The following SUMF1 variants were observed in gnomAD, a reference collection of about 807,000 sequenced individuals.
The protein encoded by SUMF1 is sulfatase modifying factor 1.
In SUMF1, 48 loss-of-function variants were observed where a neutral mutation model predicts 47.6. That is an observed-to-expected ratio of 1.01 (90% CI 0.80 to 1.28). The LOEUF (loss-of-function observed/expected upper bound fraction) is 1.28, where lower values mean the gene tolerates loss of function less well. Among genes scored for constraint, SUMF1 ranks in the 50% most tolerant of loss-of-function variants. The pLI, the probability that SUMF1 is intolerant of heterozygous loss-of-function variation, is 0.00. For synonymous variants in SUMF1, 230 were observed against 192.1 expected, an observed-to-expected ratio of 1.20 and a Z score of -1.63; for missense variants, 571 against 485.4, an observed-to-expected ratio of 1.18 and a Z score of -1.66.
intron 8 of SUMF1, among the ~76,000 whole-genome samples, chr3:4,155,583 G>A (rs1350043888): frequency 1.3e-5 from 2 of 151,350 alleles, no homozygotes; most frequent in Non-Finnish European, 2.9e-5. Context: ...TTTAGTGGTG[G>A]CAGCAGCAAT....
At chr3:4,342,216 G>T (rs553779841) in intron 8 of SUMF1, among the ~76,000 whole-genome samples, 2 of 152,288 alleles carry the variant, frequency 1.3e-5, no homozygotes, top group South Asian at 4.1e-4. Context: ...TCATGGTAAA[G>T]CTTTCTGTTA....
intron 9 of SUMF1, among the ~76,000 whole-genome samples, chr3:4,067,231 G>GT: frequency 6.6e-6 from 1 of 152,244 alleles, no homozygotes; most frequent in South Asian, 2.1e-4. Flanking sequence ...GTTATTTGGT[G>GT]TATCAGTAAG....
chr3:4,060,005 C>A (rs1436363275), intron 9 of SUMF1, among the ~76,000 whole-genome samples: 1 of 152,060 alleles, frequency 6.6e-6, no homozygotes, highest in Non-Finnish European at 1.5e-5. Context: ...TACGGATGAG[C>A]TGAGATGGGA....
At chr3:4,289,570 A>G (rs762933765) in intron 8 of SUMF1, among the ~76,000 whole-genome samples, 2 of 152,206 alleles carry the variant, frequency 1.3e-5, no homozygotes, top group African/African-American at 4.8e-5. Flanking sequence ...TATCTTAATT[A>G]TATCAATTCT....
At chr3:4,383,071 T>A (rs1700559584) in intron 7 of SUMF1, among the ~76,000 whole-genome samples, 2 of 28,612 alleles carry the variant, frequency 7.0e-5, no homozygotes, top group Non-Finnish European at 2.5e-4. Context: ...AAAAGTATAA[T>A]AAAAAGAAAA....
intron 8 of SUMF1, among the ~76,000 whole-genome samples, chr3:4,323,876 C>G (rs711673): frequency 2.6e-5 from 4 of 152,062 alleles, no homozygotes; most frequent in Admixed American, 2.6e-4. Context: ...ATTAATTAAC[C>G]TGACAGCTCT....
chr3:4,181,337 T>A (rs1574957476), intron 8 of SUMF1, among the ~76,000 whole-genome samples: 1 of 152,302 alleles, frequency 6.6e-6, no homozygotes, highest in East Asian at 1.9e-4. Context: ...TCAGTGATTA[T>A]GGTTCGAAGC....
At chr3:4,229,638 A>G (rs899487040) in intron 8 of SUMF1, among the ~76,000 whole-genome samples, 4 of 152,180 alleles carry the variant, frequency 2.6e-5, no homozygotes, top group African/African-American at 9.7e-5. Flanking sequence ...CATATCATCA[A>G]GTATGATCTG....
At chr3:4,099,199 C>A (rs1380318364) in intron 8 of SUMF1, among the ~76,000 whole-genome samples, 1 of 152,034 alleles carries the variant, frequency 6.6e-6, no homozygotes, top group Non-Finnish European at 1.5e-5. Flanking sequence ...AACCACCAAC[C>A]TCCCTTGCTA....
At chr3:4,232,949 G>T (rs1263860943) in intron 8 of SUMF1, among the ~76,000 whole-genome samples, 1 of 152,082 alleles carries the variant, frequency 6.6e-6, no homozygotes, top group East Asian at 1.9e-4. Context: ...GATAAAAAAT[G>T]CAGGTGAATC....
At chr3:4,142,500 GA>G (rs1327240442) in intron 8 of SUMF1, among the ~76,000 whole-genome samples, 4 of 152,092 alleles carry the variant, frequency 2.6e-5, no homozygotes, top group Non-Finnish European at 5.9e-5. Context: ...TTTGATGAAT[GA>G]ATAAACAATA....
intron 8 of SUMF1, among the ~76,000 whole-genome samples, chr3:4,246,913 T>G (rs1696684474): frequency 6.6e-6 from 1 of 152,210 alleles, no homozygotes; most frequent in South Asian, 2.1e-4. Flanking sequence ...TATATTTCCT[T>G]AACACATAAT....
chr3:4,466,494 G>A (rs1575264996), intron 1 of SUMF1, among the ~76,000 whole-genome samples: 1 of 152,132 alleles, frequency 6.6e-6, no homozygotes, highest in Admixed American at 6.5e-5. Context: ...AACAACTACA[G>A]TTTGCTTAGC....
intron 8 of SUMF1, among the ~76,000 whole-genome samples, chr3:4,211,103 C>CATATATATATACATAT (rs1695773059): frequency 1.1e-5 from 1 of 91,398 alleles, no homozygotes; most frequent in Admixed American, 1.1e-4. Context: ...AATAAACTCC[C>CATATATATATACATAT]ATATATATAT....
At chr3:4,046,059 G>GA (rs1419346105) in intron 9 of SUMF1, among the ~76,000 whole-genome samples, 10 of 149,966 alleles carry the variant, frequency 6.7e-5, no homozygotes, top group African/African-American at 9.8e-5. Context: ...TCTTAAAAAA[G>GA]AAAAAAAAAG....
In SUMF1 at chr3:4,116,035, T is replaced by A. The variant is rs148417492; in HGVS notation, c.1015-47290A>T. The stretch of plus-strand genomic sequence containing the variant: ...CATGACCCCGTAATTTGCAGAGCTT[T>A]ACACTTTTCAACATGTCTCCAAACC... On this transcript the variant is annotated intron_variant and NMD_transcript_variant, in intron 8 of 12. Coordinates refer to the SUMF1 transcript ENST00000448413. 3.5e-3 allele frequency among the ~76,000 whole-genome samples: 533 copies of A among 152,276 alleles called. 4 individuals carry two copies. Among genetic ancestry groups the A allele is most frequent in the Non-Finnish European group, 5.0e-3 (343 of 68,030 alleles).
chr3:4,226,264 C>CTTTTTTTTTTTTTTTT (rs869300368), intron 8 of SUMF1, among the ~76,000 whole-genome samples: 107 of 86,970 alleles, frequency 1.2e-3, no homozygotes, highest in Non-Finnish European at 1.8e-3. Flanking sequence ...TTTTTTGTTT[C>CTTTTTTTTTTTTTTTT]TTTTTTTTTT....
At chr3:4,323,538 A>G (rs1332895374) in intron 8 of SUMF1, among the ~76,000 whole-genome samples, 2 of 152,162 alleles carry the variant, frequency 1.3e-5, no homozygotes, top group Admixed American at 1.3e-4. Flanking sequence ...TGTGAATTGT[A>G]TCTCCTTAAA....
At chr3:4,286,518 T>C (rs541170921) in intron 8 of SUMF1, among the ~76,000 whole-genome samples, 20 of 152,268 alleles carry the variant, frequency 1.3e-4, no homozygotes, top group African/African-American at 4.8e-4. Context: ...GTTTATTTTC[T>C]GAACAAAATG....
Sources: allele counts gnomAD v4.1 joint callset (sites outside exome capture counted in the v4.1 genomes callset), GRCh38; gene constraint gnomAD v4.1.1; transcripts MANE v1.5; gene names NCBI Gene and HGNC (gene_info 2026-07-23, HGNC 2026-07-21).